KLF15: variants seen among roughly 807,000 people sequenced by gnomAD.
KLF15 encodes Krueppel-like factor 15.
KLF15 carries 4 observed loss-of-function variants against 24.6 expected under a neutral mutation model. The observed-to-expected ratio is 0.16, with a 90% confidence interval of 0.08 to 0.37. The LOEUF (loss-of-function observed/expected upper bound fraction) is 0.37, where lower values mean the gene tolerates loss of function less well. KLF15 is among the 10% of genes least tolerant of loss of function. The pLI, the probability that KLF15 is intolerant of heterozygous loss-of-function variation, is 1.00. For synonymous variants in KLF15, 246 were observed against 236.3 expected (o/e 1.04, Z -0.37); for missense variants, 496 against 560.6 (o/e 0.88, Z 1.16).
chr3:126,299,754 A>G, the KLF15 span, among the ~76,000 whole-genome samples: 14 of 142,832 alleles, frequency 9.8e-5, no homozygotes, highest in Admixed American at 9.5e-4. Flanking sequence ...TCTCAAAAAA[A>G]AAAAAAAAAA....
At position 126,343,535 on chromosome 3, in the gene KLF15, C is replaced by G; in HGVS notation, c.*192G>C. 1.8e-6 allele frequency: 1 copy of G among 564,452 alleles called. No homozygotes were observed. The allele number at this position is 564,452 out of a possible 1,614,324, so 35.0% of individuals were successfully genotyped here. The stretch of plus-strand genomic sequence containing the variant: ...GCCTGGGGCCCAGCCCCCAGGGACG[C>G]GGGTTCGAGGCTCTAAGTACTCCCG... On this transcript the variant is annotated 3_prime_UTR_variant, in exon 3 of 3. Coordinates refer to ENST00000296233, the MANE Select transcript of KLF15 (RefSeq NM_014079.4).
chr3:126,327,664 C>T, the KLF15 span, among the ~76,000 whole-genome samples: 1 of 152,196 alleles, frequency 6.6e-6, no homozygotes, highest in African/African-American at 2.4e-5. Flanking sequence ...CTGACACCTG[C>T]ATTCCAGACT....
chr3:126,323,621 C>T, the KLF15 span, among the ~76,000 whole-genome samples: 1 of 147,964 alleles, frequency 6.8e-6, no homozygotes, highest in African/African-American at 2.5e-5. Context: ...TGGTTTGCTC[C>T]ACCTATTAAC....
chr3:126,340,787 G>A (rs1206274216), downstream of KLF15, among the ~76,000 whole-genome samples: 1 of 152,164 alleles, frequency 6.6e-6, no homozygotes, highest in African/African-American at 2.4e-5. Flanking sequence ...AGAAATCACA[G>A]ACGGTCAGAA....
At chr3:126,353,553 G>A (rs1048349679) in intron 1 of KLF15, among the ~76,000 whole-genome samples, 2 of 152,298 alleles carry the variant, frequency 1.3e-5, no homozygotes, top group African/African-American at 4.8e-5. Flanking sequence ...TATTGGATAG[G>A]ACACACTTAC....
chr3:126,290,490 T>C, the KLF15 span, among the ~76,000 whole-genome samples: 1 of 148,538 alleles, frequency 6.7e-6, no homozygotes, highest in Non-Finnish European at 1.5e-5. Flanking sequence ...CTTCCTTCCT[T>C]CCTTTCTTCC....
chr3:126,298,856 T>C, the KLF15 span, among the ~76,000 whole-genome samples: 2 of 152,336 alleles, frequency 1.3e-5, no homozygotes, highest in East Asian at 3.8e-4. Context: ...CCATGCTGTT[T>C]TGGTAACTAC....
chr3:126,320,969 C>T, the KLF15 span, among the ~76,000 whole-genome samples: 9,134 of 152,064 alleles, frequency 0.06, 368 homozygotes, highest in Middle Eastern at 0.12. Context: ...ATCCTCAGTC[C>T]CGGAAAGGTG....
downstream of KLF15, among the ~76,000 whole-genome samples, chr3:126,340,300 C>G (rs1469733372): frequency 2.6e-5 from 4 of 152,230 alleles, no homozygotes; most frequent in East Asian, 5.8e-4. Flanking sequence ...TTCCGGCCAA[C>G]AGAATGGGAG....
the KLF15 span, among the ~76,000 whole-genome samples, chr3:126,313,501 G>A: frequency 6.6e-6 from 1 of 152,202 alleles, no homozygotes; most frequent in South Asian, 2.1e-4. Context: ...TTTGGACTTT[G>A]AGATATAAAT....
the KLF15 span, among the ~76,000 whole-genome samples, chr3:126,332,231 A>C: frequency 1.8e-4 from 27 of 146,544 alleles, no homozygotes; most frequent in Middle Eastern, 3.5e-3. Flanking sequence ...TCTGAGAACC[A>C]GCAGACTGCC....
downstream of KLF15, among the ~76,000 whole-genome samples, chr3:126,340,928 G>C (rs912603068): frequency 4.6e-5 from 7 of 152,020 alleles, no homozygotes; most frequent in Non-Finnish European, 1.0e-4. Context: ...ACACAGCTGG[G>C]CTCTGCATCC....
chr3:126,344,752 G>A (rs56658074), intron 2 of KLF15, among the ~76,000 whole-genome samples: 3,007 of 152,354 alleles, frequency 0.02, 100 homozygotes, highest in African/African-American at 0.068. Flanking sequence ...GAAACCAGCT[G>A]TGCTGGAAGC....
the KLF15 span, among the ~76,000 whole-genome samples, chr3:126,327,427 G>T: frequency 6.5e-3 from 985 of 152,074 alleles, 4 homozygotes; most frequent in Middle Eastern, 0.024. Flanking sequence ...GGAGCTGGAA[G>T]GGGTGAGGCC....
chr3:126,351,735 C>CA, intron 2 of KLF15, 106 bp downstream of exon 2: 2 of 1,098,606 alleles, frequency 1.8e-6, no homozygotes, highest in Non-Finnish European at 2.5e-6. Context: ...CCTCCCCTCC[C>CA]TCATCTACCT....
chr3:126,304,853 C>T, the KLF15 span, among the ~76,000 whole-genome samples: 6 of 152,224 alleles, frequency 3.9e-5, no homozygotes, highest in Non-Finnish European at 8.8e-5. Context: ...GACAATGTGA[C>T]TAACTATATG....
the KLF15 span, among the ~76,000 whole-genome samples, chr3:126,308,975 G>C: frequency 6.6e-6 from 1 of 152,144 alleles, no homozygotes; most frequent in African/African-American, 2.4e-5. Flanking sequence ...TGGCAGCTGG[G>C]GCATGTGGAA....
rs146618757 is a variant in KLF15, at chr3:126,352,887, G to A, written c.36C>T (p.Phe12=). The A allele has an allele frequency of 1.7e-3, 2,674 of 1,611,278 alleles. 13 individuals carry two copies. Among genetic ancestry groups the A allele is most frequent in the Middle Eastern group, 0.013 (76 of 6,050 alleles). The change falls in exon 2 of 3, where the codon TTC becomes TTT. Residue 12 remains phenylalanine (F), a synonymous_variant. Coordinates refer to ENST00000296233, the MANE Select transcript of KLF15 (RefSeq NM_014079.4). The part of the protein sequence containing the change: ...VDHLLPVDEN[F]SSPKCPVGYL... ...ACCCAACTGGGCATTTTGGCGACGA[G>A]AAGTTCTCGTCCACTGGAAGTAAGT...
At chr3:126,346,955 C>T (rs1294459142) in intron 2 of KLF15, among the ~76,000 whole-genome samples, 1 of 152,188 alleles carries the variant, frequency 6.6e-6, no homozygotes, top group Non-Finnish European at 1.5e-5. Context: ...GAGGATTGTA[C>T]AAGGCAACCA....
Sources: gnomAD v4.1 joint callset for allele counts (sites outside exome capture counted in the v4.1 genomes callset) on GRCh38, gnomAD v4.1.1 for gene constraint, MANE v1.5 for transcripts, NCBI Gene and HGNC (gene_info 2026-07-23, HGNC 2026-07-21) for gene names.